Variants in STK36 observed in about 807,000 individuals in gnomAD.
The protein encoded by STK36 is serine/threonine kinase 36.
Under a neutral mutation model 142.2 loss-of-function variants are expected in STK36, and 116 were observed. The ratio of observed to expected loss-of-function variants is 0.82; its 90% confidence interval spans 0.70 to 0.95. The LOEUF (loss-of-function observed/expected upper bound fraction) is 0.95, where lower values mean the gene tolerates loss of function less well. STK36 is among the 40% of genes least tolerant of loss of function. The pLI is 0.00. For synonymous variants in STK36, 619 were observed against 641.7 expected (o/e 0.96, Z 0.53); for missense variants, 1,422 against 1,617.2 (o/e 0.88, Z 2.07).
intron 11 of STK36, 118 bp from the exon 12 acceptor site, chr2:218,688,579 A>G: frequency 8.9e-7 from 1 of 1,125,680 alleles, no homozygotes. Context: ...CTTGCAAAGA[A>G]AGGAATGCAA....
intron 4 of STK36, 138 bp from the exon 5 acceptor site, chr2:218,675,205 A>G (rs940121960): frequency 7.6e-5 from 70 of 920,074 alleles, no homozygotes; most frequent in Non-Finnish European, 1.1e-4. Context: ...AACAATAACT[A>G]AGAAAGAATA....
chr2:218,685,093 C>A lies in STK36; in HGVS notation c.1245C>A (p.Asp415Glu), dbSNP rs144833360. 2.7e-3 allele frequency: 4,329 copies of A among 1,614,078 alleles called. 202 individuals carry two copies. In the Admixed American group the frequency reaches 0.069, roughly 26 times the overall value. The part of the protein sequence containing the change: ...DVVDLENEEP[D>E]SDNEWQHLLE... Reference sequence around the variant, plus strand: ...ACTCCCCTCTGCCTCAGGAGCCAGACAGTGACAATGAGTGGCAGCACCTGC... The same window carrying A: ...ACTCCCCTCTGCCTCAGGAGCCAGAAAGTGACAATGAGTGGCAGCACCTGC... Residue 415 changes from aspartate (D) to glutamate (E), a missense_variant, in exon 11 of 27, where the codon GAC becomes GAA. Around this residue, in one of 2 missense-constraint regions of STK36, gnomAD observed 962 missense variants for 1,167.5 expected, o/e 0.82. Coordinates refer to ENST00000295709, the MANE Select transcript of STK36 (RefSeq NM_015690.5).
At chr2:218,674,000 C>T in intron 4 of STK36, 44 bp downstream of exon 4, 1 of 1,576,152 alleles carries the variant, frequency 6.3e-7, no homozygotes, top group Non-Finnish European at 8.7e-7. Context: ...CGACCTCTCT[C>T]CAGGTTAGAG....
intron 26 of STK36, among the ~76,000 whole-genome samples, 170 bp from the exon 27 acceptor site, chr2:218,701,696 G>T (rs557573513): frequency 2.6e-5 from 4 of 152,230 alleles, no homozygotes; most frequent in Middle Eastern, 3.4e-3. Flanking sequence ...CTATCTCCAA[G>T]GTTTCTCTTC....
intron 23 of STK36, 89 bp downstream of exon 23, chr2:218,697,302 AT>A (rs1255175566): frequency 5.2e-5 from 79 of 1,527,184 alleles, no homozygotes; most frequent in African/African-American, 7.0e-5. Flanking sequence ...ACAGAGGTTT[AT>A]TTTTTTTGCT....
chr2:218,690,011 C>A, intron 13 of STK36, 55 bp downstream of exon 13: 1 of 1,485,228 alleles, frequency 6.7e-7, no homozygotes, highest in Non-Finnish European at 9.2e-7. Context: ...GTTTCTACCC[C>A]AAGTGCCCTT....
Position 218,685,092 on chromosome 2 carries a change from A to T in STK36, c.1244A>T (p.Asp415Val), listed in dbSNP as rs1940717497. Residue 415 changes from aspartate (D) to valine (V), a missense_variant, in exon 11 of 27, where the codon GAC becomes GTC. Physicochemically the swap from Asp to Val is radical, Grantham distance 152. Transcript: ENST00000295709. Reference sequence around the variant, plus strand: ...CACTCCCCTCTGCCTCAGGAGCCAGACAGTGACAATGAGTGGCAGCACCTG... The same window carrying T: ...CACTCCCCTCTGCCTCAGGAGCCAGTCAGTGACAATGAGTGGCAGCACCTG... ...DVVDLENEEP[D>V]SDNEWQHLLE... The T allele has an allele frequency of 1.9e-6, 3 of 1,614,128 alleles. No individual in the cohort carries two copies. Among genetic ancestry groups the T allele is most frequent in the Non-Finnish European group, 2.5e-6 (3 of 1,180,000 alleles).
chr2:218,687,611 A>C (rs1224330337), intron 11 of STK36, among the ~76,000 whole-genome samples: 1 of 152,170 alleles, frequency 6.6e-6, no homozygotes, highest in Non-Finnish European at 1.5e-5. Context: ...AGGCAGACTG[A>C]AAGCTCTGCC....
At chr2:218,686,249 T>G (rs1940773848) in intron 11 of STK36, among the ~76,000 whole-genome samples, 1 of 151,102 alleles carries the variant, frequency 6.6e-6, no homozygotes, top group Admixed American at 6.6e-5. Context: ...TTTTTAAAAT[T>G]TATTTATTTA....
intron 14 of STK36, 87 bp downstream of exon 14, chr2:218,690,642 G>A (rs1424246112): frequency 9.4e-7 from 1 of 1,058,778 alleles, no homozygotes; most frequent in Non-Finnish European, 1.4e-6. Context: ...TGTAGGGTCA[G>A]ATCAAGTTAA....
At chr2:218,677,031 T>G (rs1311182104) in intron 6 of STK36, among the ~76,000 whole-genome samples, 1 of 151,924 alleles carries the variant, frequency 6.6e-6, no homozygotes, top group African/African-American at 2.4e-5. Flanking sequence ...CTTCCCAGGT[T>G]CAAGCAATTC....
rs1388145613 is a variant in STK36 at position 218,695,596 on chromosome 2, C to T, written c.2512-931C>T. Among the ~76,000 whole-genome samples, 6 of 137,862 alleles carry T rather than the reference C, an allele frequency of 4.4e-5. No individual in the cohort carries two copies. The East Asian group carries it at 6.4e-4, about 15-fold the overall frequency. The allele number at this position is 137,862 out of a possible 152,430, so 90.4% of individuals were successfully genotyped here. On this transcript the variant is annotated intron_variant, in intron 21 of 26. Transcript: ENST00000295709. Reference sequence around the variant, plus strand: ...TCGCCCAGGCTGGAGTGTAGTGGCACGATCTTGGCTCACTACAACCTCCGC... The same window carrying T: ...TCGCCCAGGCTGGAGTGTAGTGGCATGATCTTGGCTCACTACAACCTCCGC...
intron 4 of STK36, among the ~76,000 whole-genome samples, chr2:218,674,614 T>C (rs1170141073): frequency 1.3e-5 from 2 of 152,244 alleles, no homozygotes; most frequent in African/African-American, 2.4e-5. Context: ...TTGAATTTTA[T>C]TTTTTGAGAC....
In STK36 at chr2:218,694,123, A is replaced by G; in HGVS notation, c.2336+140A>G. On this transcript the variant is annotated intron_variant, in intron 19 of 26. Transcript: ENST00000295709. This position sits in a 1 kb window ranked among gnomAD's most constrained non-coding sequence, Gnocchi z 4.4. ...GAGCGTGAAGCTTTCTCTACAAAGAACAGACCTAGACTCCCATCAACTTTG... is the reference window on the plus strand; with the variant it reads ...GAGCGTGAAGCTTTCTCTACAAAGAGCAGACCTAGACTCCCATCAACTTTG... 8.7e-7 allele frequency: 1 copy of G among 1,151,320 alleles called. No individual in the cohort carries two copies. Among genetic ancestry groups the G allele is most frequent in the Non-Finnish European group, 1.3e-6 (1 of 769,796 alleles). The allele number at this position is 1,151,320 out of a possible 1,614,324, so 71.3% of individuals were successfully genotyped here. A position where few individuals can be genotyped will look rare whatever the true frequency, so the allele number is the denominator to read the frequency against.
At chr2:218,677,824 T>TCTGTCA (rs1575122973) in intron 6 of STK36, among the ~76,000 whole-genome samples, 1 of 152,210 alleles carries the variant, frequency 6.6e-6, no homozygotes, top group East Asian at 1.9e-4. Context: ...GGAGTCTTAC[T>TCTGTCA]CTGTCACCCA....
At position 218,672,741 on chromosome 2, in the gene STK36, G is replaced by C. The variant is rs1362605385; in HGVS notation, c.-89G>C. On this transcript the variant is annotated splice_region_variant and 5_prime_UTR_variant, in exon 2 of 27. Transcript: ENST00000295709. ...TTTTCCTTTCCCGTGCCCCAACTAG[G>C]CGTCCCAGATGTTGTGGAACTGTCC... 3.8e-6 allele frequency: 5 copies of C among 1,313,242 alleles called. No homozygotes were observed. In the Admixed American group the frequency reaches 5.7e-5, roughly 15 times the overall value. The allele number at this position is 1,313,242 out of a possible 1,614,324, so 81.3% of individuals were successfully genotyped here.
chr2:218,690,197 T>C (rs1312944720), intron 13 of STK36, among the ~76,000 whole-genome samples: 2 of 151,802 alleles, frequency 1.3e-5, no homozygotes, highest in East Asian at 3.9e-4. Flanking sequence ...AGGGTCAAGA[T>C]GTGAATAACC....
chr2:218,688,415 G>A (rs1183607541), intron 11 of STK36: 2 of 573,492 alleles, frequency 3.5e-6, no homozygotes, highest in South Asian at 1.5e-5. Flanking sequence ...AAGGGAGGGA[G>A]CAGATGGGAA....
chr2:218,696,050 G>A (rs952365692), intron 21 of STK36, among the ~76,000 whole-genome samples: 5 of 150,786 alleles, frequency 3.3e-5, no homozygotes, highest in African/African-American at 1.2e-4. Flanking sequence ...TTTTAGTAGA[G>A]ACGGGGTTTC....
Sources: gnomAD v4.1 joint callset for allele counts (sites outside exome capture counted in the v4.1 genomes callset) on GRCh38, gnomAD v4.1.1 for gene constraint, gnomAD v4.1.1 regional missense constraint, Gnocchi (gnomAD v3.1) non-coding constraint, MANE v1.5 for transcripts, NCBI Gene and HGNC (gene_info 2026-07-23, HGNC 2026-07-21) for gene names.